RGPD4: variants seen among roughly 807,000 people sequenced by gnomAD.
RGPD4 encodes ranBP2-like and GRIP domain-containing protein 4.
RGPD4 carries 84 observed loss-of-function variants against 141.1 expected under a neutral mutation model. That is an observed-to-expected ratio of 0.60 (90% CI 0.50 to 0.71). RGPD4 has a LOEUF of 0.71. Ranked by LOEUF, RGPD4 falls within the 30% of genes least tolerant of loss-of-function variation. The probability of loss-of-function intolerance (pLI) is 0.00; values close to 1 mark genes in which losing one functional copy is unlikely to be tolerated. For missense variants in RGPD4, 918 were observed against 1,622.4 expected, an observed-to-expected ratio of 0.57 and a Z score of 7.46; for synonymous variants, 298 against 566.8, an observed-to-expected ratio of 0.53 and a Z score of 6.74.
intron 22 of RGPD4, among the ~76,000 whole-genome samples, chr2:107,885,957 G>A (rs1007647710): frequency 1.3e-5 from 2 of 151,588 alleles, no homozygotes; most frequent in South Asian, 2.1e-4. Flanking sequence ...GGAGGCTGAG[G>A]TAGGAGAACT....
chr2:107,849,362 CTTTTTT>C (rs60901392), intron 7 of RGPD4, among the ~76,000 whole-genome samples: 2 of 73,418 alleles, frequency 2.7e-5, no homozygotes, highest in Admixed American at 1.6e-4. Flanking sequence ...CGCGCCTGGC[CTTTTTT>C]TTTTTTTTTT....
At chr2:107,831,670 G>T (rs1000476870) in intron 1 of RGPD4, among the ~76,000 whole-genome samples, 1 of 132,270 alleles carries the variant, frequency 7.6e-6, no homozygotes, top group Non-Finnish European at 1.6e-5. Flanking sequence ...CTGCCTCCCG[G>T]GTTCACACCA....
chr2:107,841,513 AT>A (rs1445767246), intron 4 of RGPD4, among the ~76,000 whole-genome samples: 2 of 77,212 alleles, frequency 2.6e-5, no homozygotes, highest in Non-Finnish European at 5.7e-5. Context: ...AAAAGCACTC[AT>A]AGTGGTTTTT....
Position 107,877,891 on chromosome 2 carries a change from A to G in RGPD4, c.4925-2077A>G, listed in dbSNP as rs4012345. ...TGCAGTGGCGTGATCTTGGCTCACT[A>G]CAACCTCCGCCTCCTGGCTTCCAGC... On this transcript the variant is annotated intron_variant, in intron 20 of 22. Coordinates refer to ENST00000408999, the MANE Select transcript of RGPD4 (RefSeq NM_182588.3). Among the ~76,000 whole-genome samples the G allele has an allele frequency of 9.0e-3, 1,349 of 149,968 alleles. 12 individuals carry two copies. Among genetic ancestry groups the G allele is most frequent in the Non-Finnish European group, 0.014 (951 of 67,286 alleles).
chr2:107,854,909 ATATT>A (rs1214251704), intron 8 of RGPD4, among the ~76,000 whole-genome samples: 1 of 144,730 alleles, frequency 6.9e-6, no homozygotes. Context: ...TCTATCCTGA[ATATT>A]TAGTCACTTC....
Position 107,871,496 on chromosome 2 carries a change from T to C in RGPD4, c.3492T>C (p.Phe1164=). 3.3e-6 allele frequency: 3 copies of C among 914,426 alleles called. 1 individual carries two copies. In the South Asian group the frequency reaches 5.1e-5, roughly 16 times the overall value. The allele number at this position is 914,426 out of a possible 1,614,324, so 56.6% of individuals were successfully genotyped here. ...TGGCTGAAGAATTCAAGCAGAAATT[T>C]GAGGAATGCCAGCAGCTTCTGTTAG... ...PELAEEFKQK[F]EECQQLLLDI... The change falls in exon 20 of 23, where the codon TTT becomes TTC. Residue 1164 remains phenylalanine, a synonymous_variant. Coordinates refer to ENST00000408999, the MANE Select transcript of RGPD4 (RefSeq NM_182588.3).
chr2:107,868,686 A>G (rs1185818037), intron 18 of RGPD4, among the ~76,000 whole-genome samples: 2 of 147,620 alleles, frequency 1.4e-5, no homozygotes, highest in Admixed American at 6.9e-5. Context: ...AATAGCTTCA[A>G]TTTGCACAAT....
At chr2:107,880,645 TAG>T (rs1558821800) in intron 21 of RGPD4, among the ~76,000 whole-genome samples, 1 of 150,222 alleles carries the variant, frequency 6.7e-6, no homozygotes, top group African/African-American at 2.5e-5. Context: ...ATTTAGAAAC[TAG>T]AGAGATGTTC....
At chr2:107,830,675 G>T (rs2104395483) in intron 1 of RGPD4, among the ~76,000 whole-genome samples, 1 of 152,104 alleles carries the variant, frequency 6.6e-6, no homozygotes, top group Non-Finnish European at 1.5e-5. Flanking sequence ...GACAAAACAG[G>T]GTGCTTTGGA....
At chr2:107,834,774 TC>T (rs1480915306) in intron 1 of RGPD4, among the ~76,000 whole-genome samples, 1 of 122,906 alleles carries the variant, frequency 8.1e-6, no homozygotes, top group Non-Finnish European at 1.7e-5. Context: ...TAAGAACAAA[TC>T]TTTTGTCCAT....
At chr2:107,875,006 A>C (rs1683049381) in intron 20 of RGPD4, among the ~76,000 whole-genome samples, 2 of 96,498 alleles carry the variant, frequency 2.1e-5, no homozygotes, top group East Asian at 2.2e-4. Flanking sequence ...CTGTGTATGT[A>C]ATTTAAAATT....
intron 17 of RGPD4, among the ~76,000 whole-genome samples, chr2:107,865,907 T>C (rs973114760): frequency 7.1e-6 from 1 of 141,488 alleles, no homozygotes; most frequent in East Asian, 2.0e-4. Context: ...GCATCTCTAC[T>C]ATTATACAAA....
rs750356006 is a variant in RGPD4 at position 107,827,067 on chromosome 2, C to A, written c.54C>A (p.Ser18=). The A allele has an allele frequency of 6.3e-7, 1 of 1,592,152 alleles. No individual in the cohort carries two copies. ...GGTACGTCGCCTCCGTGCAGGGCTC[C>A]GCCCCGTCGCCTCGAAAGGTGAGTG... ...GERYVASVQG[S]APSPRKKSTR... Residue 18 remains serine (S), a synonymous_variant, in exon 1 of 23, where the codon TCC becomes TCA. Coordinates refer to ENST00000408999, the MANE Select transcript of RGPD4 (RefSeq NM_182588.3).
In RGPD4 at chr2:107,834,451, C is replaced by A. The variant is rs1339501449; in HGVS notation, c.73-2151C>A. ...CAGTTCTGAATAACATGATAAAAAT[C>A]TCACAGCCTCCTGCTCCGTCCTACC... is the stretch of plus-strand genomic sequence containing the variant. On this transcript the variant is annotated intron_variant, in intron 1 of 22. Coordinates refer to ENST00000408999, the MANE Select transcript of RGPD4 (RefSeq NM_182588.3). Among the ~76,000 whole-genome samples, 25 of 152,054 alleles carry A rather than the reference C, an allele frequency of 1.6e-4. 1 individual carries two copies. The Middle Eastern group carries it at 0.01, about 62-fold the overall frequency.
intron 17 of RGPD4, among the ~76,000 whole-genome samples, chr2:107,865,556 T>C (rs1335063443): frequency 2.0e-5 from 3 of 151,526 alleles, no homozygotes; most frequent in African/African-American, 4.9e-5. Context: ...GGAATTGTCT[T>C]GGCTGGAGGT....
chr2:107,881,310 T>A (rs1675356295), intron 21 of RGPD4, among the ~76,000 whole-genome samples: 2 of 148,656 alleles, frequency 1.3e-5, no homozygotes, highest in African/African-American at 5.1e-5. Flanking sequence ...AATGACTTAT[T>A]TAAATGTTAT....
intron 21 of RGPD4, among the ~76,000 whole-genome samples, chr2:107,880,581 C>G (rs1225995485): frequency 6.6e-6 from 1 of 151,430 alleles, no homozygotes; most frequent in East Asian, 1.9e-4. Flanking sequence ...TCTTTTACAC[C>G]TATTACATAA....
At chr2:107,872,956 A>G in intron 20 of RGPD4, 28 bp downstream of exon 20, 1 of 1,373,226 alleles carries the variant, frequency 7.3e-7, no homozygotes, top group Non-Finnish European at 9.9e-7. Context: ...AAAGTTAAGC[A>G]CAATTTTTCT....
In RGPD4 at chr2:107,846,217, C is replaced by T. The variant is rs1485721408; in HGVS notation, c.783-2124C>T. ...CTGGGATTACAGGCATGAGCCACCG[C>T]GCCCGGCTGGTCTCGATCTCTTGAC... On this transcript the variant is annotated intron_variant, in intron 6 of 22. Transcript: ENST00000408999. 6.6e-5 allele frequency among the ~76,000 whole-genome samples: 10 copies of T among 150,500 alleles called. No homozygotes were observed. In the South Asian group the frequency reaches 8.5e-4, roughly 13 times the overall value.
Sources: gnomAD v4.1 joint callset for allele counts (sites outside exome capture counted in the v4.1 genomes callset) on GRCh38, gnomAD v4.1.1 for gene constraint, MANE v1.5 for transcripts, NCBI Gene and HGNC (gene_info 2026-07-23, HGNC 2026-07-21) for gene names.